TBC1D22A: variants seen among roughly 807,000 people sequenced by gnomAD.
TBC1D22A encodes the protein TBC1 domain family member 22A.
Under a neutral mutation model 60.2 loss-of-function variants are expected in TBC1D22A, and 38 were observed. The ratio of observed to expected loss-of-function variants is 0.63; its 90% CI spans 0.49 to 0.83. The LOEUF (loss-of-function observed/expected upper bound fraction) is 0.83. Ranked by LOEUF, TBC1D22A falls within the 40% of genes least tolerant of loss-of-function variation. The pLI, the probability that TBC1D22A is intolerant of heterozygous loss-of-function variation, is 0.00. For synonymous variants in TBC1D22A, 302 were observed against 281.7 expected, an observed-to-expected ratio of 1.07 and a Z score of -0.72; for missense variants, 628 against 701.0, an observed-to-expected ratio of 0.90 and a Z score of 1.18.
chr22:46,810,424 C>T (rs772128824), intron 4 of TBC1D22A, among the ~76,000 whole-genome samples: 6 of 148,250 alleles, frequency 4.0e-5, no homozygotes, highest in East Asian at 2.0e-4. Context: ...AATAGTGTTA[C>T]GTGCCCCTTT....
chr22:47,057,414 G>A (rs534542640), intron 11 of TBC1D22A, among the ~76,000 whole-genome samples: 4 of 152,186 alleles, frequency 2.6e-5, no homozygotes, highest in South Asian at 4.1e-4. Context: ...AGGGTGGCTC[G>A]AACCCAGATG....
chr22:47,068,166 G>A (rs1057017214), intron 11 of TBC1D22A, among the ~76,000 whole-genome samples: 2 of 152,214 alleles, frequency 1.3e-5, no homozygotes, highest in Non-Finnish European at 2.9e-5. Context: ...GAGACCTTGT[G>A]GGCAGAAGTC....
In TBC1D22A at chr22:46,786,963, A is replaced by G. The variant is rs540667814; in HGVS notation, c.63-5557A>G. ...TGGCTTCCCAAAGTGCTTGATTACA[A>G]ACGTGAGCCAGTGTGCCCGGCCTCT... On this transcript the variant is annotated intron_variant, in intron 1 of 12. Coordinates refer to ENST00000337137, the MANE Select transcript of TBC1D22A (RefSeq NM_014346.5). Among the ~76,000 whole-genome samples, 18 of 152,254 alleles carry G rather than the reference A, an allele frequency of 1.2e-4. 1 individual carries two copies. Among genetic ancestry groups the G allele is most frequent in the South Asian group, 8.3e-4 (4 of 4,824 alleles).
At chr22:46,932,578 C>G (rs2071412756) in intron 8 of TBC1D22A, among the ~76,000 whole-genome samples, 1 of 152,080 alleles carries the variant, frequency 6.6e-6, no homozygotes, top group Admixed American at 6.5e-5. Context: ...CTCCCCGTGT[C>G]TTCTCCTCCC....
chr22:47,135,814 A>G (rs573697048), intron 12 of TBC1D22A, among the ~76,000 whole-genome samples: 1 of 152,362 alleles, frequency 6.6e-6, no homozygotes, highest in Admixed American at 6.5e-5. Context: ...GCGCTTGTTC[A>G]CTGAGCACGC....
intron 8 of TBC1D22A, among the ~76,000 whole-genome samples, chr22:46,924,332 A>G (rs2070923979): frequency 6.6e-6 from 1 of 152,216 alleles, no homozygotes. Context: ...GTGTTTTACA[A>G]TGGATTCTCA....
At chr22:47,148,584 T>G (rs1020833088) in intron 12 of TBC1D22A, among the ~76,000 whole-genome samples, 7 of 143,722 alleles carry the variant, frequency 4.9e-5, no homozygotes, top group Admixed American at 4.7e-4. Context: ...CCCTCTCTCT[T>G]GGGCTCCTCT....
chr22:47,172,357 T>C (rs1288418625), intron 12 of TBC1D22A, among the ~76,000 whole-genome samples: 1 of 152,230 alleles, frequency 6.6e-6, no homozygotes, highest in Non-Finnish European at 1.5e-5. Context: ...AAATTTGTAC[T>C]ATGTGAATTC....
intron 8 of TBC1D22A, among the ~76,000 whole-genome samples, chr22:46,957,937 G>T (rs1444123068): frequency 6.6e-6 from 1 of 152,140 alleles, no homozygotes; most frequent in Non-Finnish European, 1.5e-5. Flanking sequence ...GGGCATCAGA[G>T]GCAGGAGGCA....
At chr22:47,060,861 G>A (rs144415943) in intron 11 of TBC1D22A, among the ~76,000 whole-genome samples, 8 of 152,278 alleles carry the variant, frequency 5.3e-5, no homozygotes, top group African/African-American at 1.4e-4. Context: ...TTCCATTAGC[G>A]CCATGCCGCT....
rs183937601 is a variant in TBC1D22A at position 46,915,748 on chromosome 22, C to T, written c.1015+3560C>T. The T allele has an allele frequency of 1.1e-3, 499 of 456,662 alleles. 2 individuals are homozygous for T. Among genetic ancestry groups the T allele is most frequent in the African/African-American group, 9.1e-3 (455 of 50,166 alleles). 28.3% of individuals were successfully genotyped at this position (456,662 alleles called of 1,614,324 possible). A position where few individuals can be genotyped will look rare whatever the true frequency, so the allele number is the denominator to read the frequency against. On this transcript the variant is annotated intron_variant, in intron 8 of 12. Transcript: ENST00000337137. ...GCTCTTTCTGGGGATGTGTGTTCGC[C>T]ATGTGTCCAGAGCCTGTAAAGATCC...
At chr22:47,100,214 G>A (rs2065359409) in intron 11 of TBC1D22A, among the ~76,000 whole-genome samples, 1 of 151,972 alleles carries the variant, frequency 6.6e-6, no homozygotes, top group South Asian at 2.1e-4. Context: ...AGGGCACAGG[G>A]GTGAGGTGTC....
intron 11 of TBC1D22A, among the ~76,000 whole-genome samples, chr22:47,101,635 T>G (rs1036619435): frequency 3.9e-5 from 6 of 152,180 alleles, no homozygotes; most frequent in Non-Finnish European, 7.3e-5. Context: ...GATTGTGTGT[T>G]GGGGTTTTTC....
Position 46,793,532 on chromosome 22 carries a change from A to C in TBC1D22A, c.151A>C (p.Thr51Pro). 6.2e-7 allele frequency: 1 copy of C among 1,614,216 alleles called. No homozygotes were observed. The highest frequency in any genetic ancestry group is 8.5e-7 in the Non-Finnish European group (1 of 1,180,048). ...CAGGTCCACGGCCAAGATGCCGACCACACCAGTGAAGGCCAAGAGGGTCAG... is the reference window on the plus strand; with the variant it reads ...CAGGTCCACGGCCAAGATGCCGACCCCACCAGTGAAGGCCAAGAGGGTCAG... ...LLRSTAKMPT[T>P]PVKAKRVSTF... Residue 51 changes from threonine (T) to proline (P), a missense_variant, in exon 3 of 13, where the codon ACA becomes CCA. Coordinates refer to ENST00000337137, the MANE Select transcript of TBC1D22A (RefSeq NM_014346.5).
Position 47,061,573 on chromosome 22 carries a change from ATATTTG to A in TBC1D22A, c.1329+24376_1329+24381del, listed in dbSNP as rs1353238422. 2.6e-5 allele frequency among the ~76,000 whole-genome samples: 4 copies of A among 152,194 alleles called. No individual in the cohort carries two copies. In the East Asian group the frequency reaches 5.8e-4, roughly 22 times the overall value. The stretch of plus-strand genomic sequence containing the variant: ...GCAGCTTCCCCACACAGTCCTAAAC[ATATTTG>A]CAGCGTTTTGTTTTGTCTCTTCTGT... On this transcript the variant is annotated intron_variant, in intron 11 of 12. Transcript: ENST00000337137.
chr22:46,936,712 C>T (rs563760905), intron 8 of TBC1D22A, among the ~76,000 whole-genome samples: 5 of 152,364 alleles, frequency 3.3e-5, no homozygotes, highest in South Asian at 4.1e-4. Context: ...CCTCACTCTG[C>T]GAGGACACAC....
At chr22:46,915,348 G>T (rs1037249349) in intron 8 of TBC1D22A, 1 of 453,972 alleles carries the variant, frequency 2.2e-6, no homozygotes, top group South Asian at 1.6e-5. Flanking sequence ...GTAAACCTCA[G>T]ATGCTCTGCT....
intron 8 of TBC1D22A, among the ~76,000 whole-genome samples, chr22:46,921,067 G>A (rs892428884): frequency 1.3e-5 from 2 of 152,080 alleles, no homozygotes; most frequent in African/African-American, 4.8e-5. Context: ...CACTGTGCCC[G>A]GCTACTATGT....
At chr22:47,059,472 T>C (rs765894617) in intron 11 of TBC1D22A, among the ~76,000 whole-genome samples, 3 of 152,220 alleles carry the variant, frequency 2.0e-5, no homozygotes, top group Admixed American at 6.5e-5. Flanking sequence ...TGTAAAAGTT[T>C]TAAAGTTTTC....
Sources: allele counts gnomAD v4.1 joint callset (sites outside exome capture counted in the v4.1 genomes callset), GRCh38; gene constraint gnomAD v4.1.1; transcripts MANE v1.5; gene names NCBI Gene and HGNC (gene_info 2026-07-23, HGNC 2026-07-21).